Variants in LRMDA observed in about 807,000 individuals in gnomAD.
LRMDA encodes leucine-rich melanocyte differentiation-associated protein.
Under a neutral mutation model 29.8 loss-of-function variants are expected in LRMDA, and 18 were observed. That is an observed-to-expected ratio of 0.60 (90% CI 0.42 to 0.90). The LOEUF (loss-of-function observed/expected upper bound fraction) is 0.90. LRMDA is among the 40% of genes least tolerant of loss of function. The pLI, the probability that LRMDA is intolerant of heterozygous loss-of-function variation, is 0.00. For missense variants in LRMDA, 273 were observed against 273.9 expected, an observed-to-expected ratio of 1.00 and a Z score of 0.02; for synonymous variants, 125 against 109.4, an observed-to-expected ratio of 1.14 and a Z score of -0.89.
intron 2 of LRMDA, among the ~76,000 whole-genome samples, chr10:75,487,226 T>A (rs1844926213): frequency 1.3e-5 from 2 of 152,236 alleles, no homozygotes; most frequent in South Asian, 4.1e-4. Flanking sequence ...AGCCTCCATA[T>A]AATATATAGT....
intron 2 of LRMDA, among the ~76,000 whole-genome samples, chr10:75,646,525 G>A (rs184272342): frequency 1.8e-4 from 28 of 152,256 alleles, no homozygotes; most frequent in African/African-American, 5.5e-4. Flanking sequence ...ATACCTACAC[G>A]CTACCTCTGA....
intron 2 of LRMDA, among the ~76,000 whole-genome samples, chr10:75,892,802 C>T (rs2132355235): frequency 6.6e-6 from 1 of 152,204 alleles, no homozygotes; most frequent in South Asian, 2.1e-4. Context: ...TCACAGATAA[C>T]TTTTTAACCT....
At chr10:76,323,148 A>G (rs1428356002) in intron 5 of LRMDA, among the ~76,000 whole-genome samples, 1 of 152,024 alleles carries the variant, frequency 6.6e-6, no homozygotes, top group Non-Finnish European at 1.5e-5. Context: ...AAGAAATGCT[A>G]CCTGAAAACT....
chr10:76,510,414 T>C (rs1269229532), intron 6 of LRMDA, among the ~76,000 whole-genome samples: 1 of 21,276 alleles, frequency 4.7e-5, no homozygotes, highest in Non-Finnish European at 3.9e-4. Flanking sequence ...TGTGGCATGC[T>C]TTTTTTTGGG....
At chr10:75,567,475 A>ACC (rs2132067620) in intron 2 of LRMDA, among the ~76,000 whole-genome samples, 1 of 152,324 alleles carries the variant, frequency 6.6e-6, no homozygotes, top group Non-Finnish European at 1.5e-5. Context: ...TTGGTTGCAA[A>ACC]TAGATCAGGC....
chr10:76,334,248 G>A (rs551931020), intron 6 of LRMDA, among the ~76,000 whole-genome samples: 18 of 152,270 alleles, frequency 1.2e-4, no homozygotes, highest in African/African-American at 4.1e-4. Context: ...CCGTGAGCTC[G>A]GCCCAGTATT....
At chr10:76,268,599 G>T (rs1840032215) in intron 5 of LRMDA, among the ~76,000 whole-genome samples, 1 of 152,148 alleles carries the variant, frequency 6.6e-6, no homozygotes, top group Admixed American at 6.5e-5. Flanking sequence ...AGAACTGTGG[G>T]CATCTGCACT....
At chr10:76,147,715 C>T (rs1850355918) in intron 5 of LRMDA, among the ~76,000 whole-genome samples, 1 of 152,136 alleles carries the variant, frequency 6.6e-6, no homozygotes, top group Admixed American at 6.5e-5. Flanking sequence ...CAGCTTTGTT[C>T]CGTTGCTGGT....
At chr10:75,584,497 TG>T (rs1286612976) in intron 2 of LRMDA, among the ~76,000 whole-genome samples, 1 of 152,120 alleles carries the variant, frequency 6.6e-6, no homozygotes, top group African/African-American at 2.4e-5. Context: ...TGGTGCATGG[TG>T]GGTGCTCAGT....
rs3042495 is a variant in LRMDA, at chr10:75,853,433, G to GGTGTGTGTGT, written c.132-182551_132-182542dup. ...CTAAAGCATCCACCTAAAGAAGAGG[G>GGTGTGTGTGT]GTGTGTGTGTGTGTGTGTGTGTGTG... On this transcript the variant is annotated intron_variant, in intron 2 of 6. Coordinates refer to ENST00000611255, the MANE Select transcript of LRMDA (RefSeq NM_001305581.2). 7.4e-3 allele frequency among the ~76,000 whole-genome samples: 1,095 copies of GGTGTGTGTGT among 147,596 alleles called. 15 individuals are homozygous for GGTGTGTGTGT. The highest frequency in any genetic ancestry group is 0.022 in the Admixed American group (320 of 14,814).
chr10:75,499,332 G>A (rs1845085853), intron 2 of LRMDA, among the ~76,000 whole-genome samples: 1 of 152,168 alleles, frequency 6.6e-6, no homozygotes, highest in African/African-American at 2.4e-5. Flanking sequence ...CCAGGTTTGT[G>A]GGTCTGTGAT....
At chr10:75,763,129 A>G (rs916884118) in intron 2 of LRMDA, among the ~76,000 whole-genome samples, 1 of 152,242 alleles carries the variant, frequency 6.6e-6, no homozygotes, top group Non-Finnish European at 1.5e-5. Flanking sequence ...ACTAACTGAT[A>G]ACTACAAAAC....
intron 2 of LRMDA, among the ~76,000 whole-genome samples, chr10:76,007,107 A>G (rs891956503): frequency 2.0e-5 from 3 of 151,448 alleles, no homozygotes; most frequent in Non-Finnish European, 2.9e-5. Flanking sequence ...CGATGTAACA[A>G]TCCTCCTGGA....
rs540144116 is a variant in LRMDA at position 76,349,537 on chromosome 10, G to A, written c.601+25052G>A. Among the ~76,000 whole-genome samples the A allele has an allele frequency of 1.3e-4, 20 of 151,822 alleles. No individual in the cohort carries two copies. In the East Asian group the frequency reaches 1.4e-3, roughly 10 times the overall value. On this transcript the variant is annotated intron_variant, in intron 6 of 6. Coordinates refer to ENST00000611255, the MANE Select transcript of LRMDA (RefSeq NM_001305581.2). ...ATAATCATACCTATTTGATATAAAC[G>A]CTGCACTTCCTGGTTATTTGGGATA...
intron 2 of LRMDA, among the ~76,000 whole-genome samples, chr10:76,021,671 C>T (rs998723879): frequency 1.3e-5 from 2 of 152,148 alleles, no homozygotes; most frequent in South Asian, 2.1e-4. Flanking sequence ...GAATCTTGAG[C>T]GGCAGTCTAT....
chr10:76,454,779 T>C (rs1458631577), intron 6 of LRMDA, among the ~76,000 whole-genome samples: 2 of 152,218 alleles, frequency 1.3e-5, no homozygotes, highest in African/African-American at 4.8e-5. Flanking sequence ...AGAGGTCTCA[T>C]ATGCTGAGAA....
chr10:75,544,850 G>A (rs981711041), intron 2 of LRMDA, among the ~76,000 whole-genome samples: 1 of 152,158 alleles, frequency 6.6e-6, no homozygotes, highest in Admixed American at 6.5e-5. Context: ...TGATCGTAGT[G>A]TTATTCTCAT....
At chr10:75,516,394 T>C (rs1845289262) in intron 2 of LRMDA, among the ~76,000 whole-genome samples, 1 of 152,200 alleles carries the variant, frequency 6.6e-6, no homozygotes, top group Non-Finnish European at 1.5e-5. Flanking sequence ...AATGATTGCA[T>C]TGTAACTGGT....
At chr10:75,716,856 C>CA (rs1449442846) in intron 2 of LRMDA, among the ~76,000 whole-genome samples, 3 of 152,190 alleles carry the variant, frequency 2.0e-5, no homozygotes, top group African/African-American at 7.2e-5. Context: ...CTTGGTGGAA[C>CA]AGGCTGATGG....
Sources: allele counts gnomAD v4.1 joint callset (sites outside exome capture counted in the v4.1 genomes callset), GRCh38; gene constraint gnomAD v4.1.1; transcripts MANE v1.5; gene names NCBI Gene and HGNC (gene_info 2026-07-23, HGNC 2026-07-21).